Variants in TRPM3 observed in about 807,000 individuals in gnomAD.
TRPM3 encodes the protein transient receptor potential cation channel subfamily M member 3.
Under a neutral mutation model 181.2 loss-of-function variants are expected in TRPM3, and 77 were observed. That is an observed-to-expected ratio of 0.42 (90% CI 0.35 to 0.51). The LOEUF (loss-of-function observed/expected upper bound fraction) is 0.51. Ranked by LOEUF, TRPM3 falls within the 20% of genes least tolerant of loss-of-function variation. The pLI, the probability that TRPM3 is intolerant of heterozygous loss-of-function variation, is 0.01. For missense variants in TRPM3, 1,759 were observed against 2,196.7 expected (o/e 0.80, Z 3.98); for synonymous variants, 745 against 796.4 (o/e 0.94, Z 1.09).
chr9:71,222,990 T>A (rs887292298), intron 1 of TRPM3, among the ~76,000 whole-genome samples: 8 of 151,874 alleles, frequency 5.3e-5, no homozygotes, highest in African/African-American at 1.9e-4. Context: ...TGCAACTTCT[T>A]GGCAAGACCT....
At chr9:71,090,632 C>T (rs138342492) in intron 1 of TRPM3, among the ~76,000 whole-genome samples, 1 of 152,210 alleles carries the variant, frequency 6.6e-6, no homozygotes, top group African/African-American at 2.4e-5. Flanking sequence ...TGGGTTATTT[C>T]TGTTAATGGA....
At chr9:70,544,659 G>A (rs2044387083) in intron 25 of TRPM3, among the ~76,000 whole-genome samples, 1 of 151,774 alleles carries the variant, frequency 6.6e-6, no homozygotes, top group South Asian at 2.1e-4. Flanking sequence ...AACAAACGAT[G>A]GCCTAAAATG....
chr9:71,078,013 A>G (rs1591232669), intron 1 of TRPM3, among the ~76,000 whole-genome samples: 2 of 151,828 alleles, frequency 1.3e-5, no homozygotes, highest in African/African-American at 2.4e-5. Context: ...AAAATTTTAA[A>G]TGCAGATATC....
intron 6 of TRPM3, among the ~76,000 whole-genome samples, chr9:70,794,810 A>G (rs1006280028): frequency 2.6e-5 from 4 of 152,166 alleles, no homozygotes; most frequent in African/African-American, 9.7e-5. Context: ...ACGACATATA[A>G]GCTGGAGCCA....
intron 14 of TRPM3, among the ~76,000 whole-genome samples, chr9:70,621,615 C>T (rs1224631638): frequency 6.6e-6 from 1 of 152,186 alleles, no homozygotes; most frequent in African/African-American, 2.4e-5. Context: ...GTCCTCCCAC[C>T]TCAGCCTCCC....
chr9:71,199,706 G>T (rs1018742912), intron 1 of TRPM3, among the ~76,000 whole-genome samples: 2 of 150,574 alleles, frequency 1.3e-5, no homozygotes, highest in Non-Finnish European at 3.0e-5. Context: ...ATTTCTGTGG[G>T]ATCGGTGGTG....
chr9:71,256,936 T>C (rs1438296843), intron 1 of TRPM3, among the ~76,000 whole-genome samples: 2 of 152,178 alleles, frequency 1.3e-5, no homozygotes, highest in African/African-American at 2.4e-5. Flanking sequence ...AAAAGTTGCA[T>C]ATTATAACGT....
intron 1 of TRPM3, among the ~76,000 whole-genome samples, chr9:71,081,119 G>A (rs957015317): frequency 2.0e-5 from 3 of 152,136 alleles, no homozygotes; most frequent in Non-Finnish European, 4.4e-5. Flanking sequence ...CAGCTTCCTG[G>A]ATGTGACGCT....
At chr9:70,897,403 A>G (rs1039396839) in intron 1 of TRPM3, among the ~76,000 whole-genome samples, 8 of 150,908 alleles carry the variant, frequency 5.3e-5, no homozygotes, top group Admixed American at 4.0e-4. Flanking sequence ...GCACAGAAAG[A>G]GCAATATTGT....
At chr9:70,553,675 T>C (rs548309253) in intron 22 of TRPM3, among the ~76,000 whole-genome samples, 27 of 152,264 alleles carry the variant, frequency 1.8e-4, no homozygotes, top group Admixed American at 1.2e-3. Flanking sequence ...GAGAAGAAAG[T>C]CCCACCACTG....
intron 1 of TRPM3, among the ~76,000 whole-genome samples, chr9:71,055,727 C>T (rs1312989499): frequency 2.0e-5 from 3 of 151,920 alleles, no homozygotes; most frequent in African/African-American, 4.8e-5. Context: ...ATTATATGTG[C>T]CAGGGTTGCT....
chr9:71,102,422 C>T (rs758109633), intron 1 of TRPM3, among the ~76,000 whole-genome samples: 1 of 152,212 alleles, frequency 6.6e-6, no homozygotes, highest in Non-Finnish European at 1.5e-5. Context: ...GTTCGAACTA[C>T]TGAGCATTGC....
chr9:71,188,844 T>C (rs956294487), intron 1 of TRPM3, among the ~76,000 whole-genome samples: 3 of 151,910 alleles, frequency 2.0e-5, no homozygotes, highest in Non-Finnish European at 4.4e-5. Context: ...CTCTTAAAAT[T>C]GAAACAAGGA....
At chr9:71,306,480 C>T (rs1411414759) in intron 1 of TRPM3, among the ~76,000 whole-genome samples, 2 of 152,164 alleles carry the variant, frequency 1.3e-5, no homozygotes, top group African/African-American at 4.8e-5. Flanking sequence ...CTCTACTTCT[C>T]AGTTTGTCTT....
intron 1 of TRPM3, among the ~76,000 whole-genome samples, chr9:71,338,119 T>A (rs2090695955): frequency 1.3e-5 from 2 of 151,568 alleles, no homozygotes; most frequent in Admixed American, 1.3e-4. Flanking sequence ...TACCACAAAC[T>A]TTGGCAGCGC....
At chr9:71,375,001 G>A (rs1255883548) in intron 1 of TRPM3, among the ~76,000 whole-genome samples, 2 of 152,032 alleles carry the variant, frequency 1.3e-5, no homozygotes, top group African/African-American at 4.8e-5. Context: ...CAATATAATG[G>A]ATATGGCCAT....
intron 9 of TRPM3, among the ~76,000 whole-genome samples, chr9:70,651,552 G>A (rs1048838257): frequency 6.6e-6 from 1 of 152,112 alleles, no homozygotes; most frequent in Non-Finnish European, 1.5e-5. Flanking sequence ...TGCACATACT[G>A]TTCCAGACAA....
chr9:71,327,178 A>G (rs559322775), intron 1 of TRPM3, among the ~76,000 whole-genome samples: 1 of 152,324 alleles, frequency 6.6e-6, no homozygotes, highest in South Asian at 2.1e-4. Context: ...TCTGAGGCAG[A>G]ATTAGATTTT....
intron 1 of TRPM3, among the ~76,000 whole-genome samples, chr9:71,407,121 C>T (rs944596699): frequency 1.8e-4 from 27 of 152,174 alleles, no homozygotes; most frequent in African/African-American, 6.0e-4. Flanking sequence ...CCAAGATGGC[C>T]GAATAGGAAC....
Sources: gnomAD v4.1 joint callset for allele counts (sites outside exome capture counted in the v4.1 genomes callset) on GRCh38, gnomAD v4.1.1 for gene constraint, MANE v1.5 for transcripts, NCBI Gene and HGNC (gene_info 2026-07-23, HGNC 2026-07-21) for gene names.